ATP9A: variants seen among roughly 807,000 people sequenced by gnomAD.
ATP9A encodes ATPase phospholipid transporting 9A.
ATP9A carries 52 observed loss-of-function variants against 144.1 expected under a neutral mutation model. The ratio of observed to expected loss-of-function variants is 0.36; its 90% confidence interval spans 0.29 to 0.45. ATP9A has a LOEUF of 0.45. ATP9A is among the 20% of genes least tolerant of loss of function. ATP9A has a pLI of 1.00. For missense variants in ATP9A, 947 were observed against 1,392.7 expected (o/e 0.68, Z 5.09); for synonymous variants, 582 against 557.4 (o/e 1.04, Z -0.62).
chr20:51,704,702 C>T (rs2077607994), intron 4 of ATP9A, among the ~76,000 whole-genome samples: 1 of 152,178 alleles, frequency 6.6e-6, no homozygotes, highest in Admixed American at 6.5e-5. Flanking sequence ...ATCGCTTGAA[C>T]CCAGAAGGCA....
chr20:51,708,556 GAA>G (rs2077624319), intron 4 of ATP9A, among the ~76,000 whole-genome samples: 1 of 151,740 alleles, frequency 6.6e-6, no homozygotes, highest in Non-Finnish European at 1.5e-5. Context: ...CCAATATGGC[GAA>G]ACCTCGTCTC....
intron 1 of ATP9A, among the ~76,000 whole-genome samples, chr20:51,745,071 C>T (rs2077801911): frequency 6.6e-6 from 1 of 151,976 alleles, no homozygotes. Context: ...GTCAGGAGAT[C>T]AAGACCATTC....
chr20:51,658,026 G>T (rs2122770831), intron 13 of ATP9A, among the ~76,000 whole-genome samples: 1 of 152,322 alleles, frequency 6.6e-6, no homozygotes, highest in South Asian at 2.1e-4. Flanking sequence ...AATGGGTTAA[G>T]TCTTGGAAAA....
intron 14 of ATP9A, among the ~76,000 whole-genome samples, chr20:51,640,840 T>C (rs984908976): frequency 8.5e-5 from 13 of 152,156 alleles, no homozygotes; most frequent in African/African-American, 2.9e-4. Flanking sequence ...GTTACTGCCC[T>C]GCAGGGACTA....
chr20:51,654,181 C>T (rs1276345788), intron 14 of ATP9A, among the ~76,000 whole-genome samples: 1 of 152,108 alleles, frequency 6.6e-6, no homozygotes, highest in Non-Finnish European at 1.5e-5. Flanking sequence ...AAGCCTGGTT[C>T]AAATGTCAAC....
chr20:51,708,041 A>G (rs2077621940), intron 4 of ATP9A, among the ~76,000 whole-genome samples: 1 of 152,152 alleles, frequency 6.6e-6, no homozygotes, highest in African/African-American at 2.4e-5. Context: ...TATTTCCTAA[A>G]ATAATGACTA....
At position 51,663,097 on chromosome 20, in the gene ATP9A, A is replaced by C. The variant is rs150974749; in HGVS notation, c.1294-5947T>G. Among the ~76,000 whole-genome samples the C allele has an allele frequency of 4.3e-3, 659 of 152,286 alleles. 8 individuals are homozygous for C. The highest frequency in any genetic ancestry group is 0.015 in the African/African-American group (619 of 41,556). On this transcript the variant is annotated intron_variant, in intron 13 of 27. Transcript: ENST00000338821. ...AAAAAAAAACATTTTTAAAATATAC[A>C]TACTTAAGATCCAGACCCAAAGAAT...
chr20:51,688,330 C>A (rs368809530), intron 9 of ATP9A, among the ~76,000 whole-genome samples: 21 of 152,292 alleles, frequency 1.4e-4, no homozygotes, highest in African/African-American at 4.8e-4. Flanking sequence ...CAGTGGCTCA[C>A]ATCTGTAATC....
rs540791180 is a variant in ATP9A at position 51,637,871 on chromosome 20, CCT to C, written c.1668+1470_1668+1471del. Among the ~76,000 whole-genome samples, 327 of 151,204 alleles carry C rather than the reference CCT, an allele frequency of 2.2e-3. 3 individuals are homozygous for C. The highest frequency in any genetic ancestry group is 7.5e-3 in the African/African-American group (310 of 41,212). ...CACCGTCCTCCCACCCTTTCAGCCC[CCT>C]GACTCGCCAAAGTCCATTGTATTAT... On this transcript the variant is annotated intron_variant, in intron 15 of 27. Coordinates refer to ENST00000338821, the MANE Select transcript of ATP9A (RefSeq NM_006045.3).
intron 16 of ATP9A, among the ~76,000 whole-genome samples, 188 bp downstream of exon 16, chr20:51,628,792 C>T (rs1350726898): frequency 2.0e-5 from 3 of 152,246 alleles, no homozygotes; most frequent in African/African-American, 4.8e-5. Context: ...GCAGTTCAGC[C>T]ACACCAGCAT....
intron 7 of ATP9A, among the ~76,000 whole-genome samples, chr20:51,692,189 A>G (rs1187929538): frequency 6.6e-6 from 1 of 152,232 alleles, no homozygotes; most frequent in Non-Finnish European, 1.5e-5. Flanking sequence ...CCTGCATGAC[A>G]ACGTCAATGT....
chr20:51,762,705 C>CTTTTTTTTTT (rs34209501), intron 1 of ATP9A, among the ~76,000 whole-genome samples: 2 of 84,530 alleles, frequency 2.4e-5, no homozygotes, highest in African/African-American at 5.1e-5. Context: ...CCACAAATGG[C>CTTTTTTTTTT]TTTTTTTTTT....
intron 4 of ATP9A, among the ~76,000 whole-genome samples, chr20:51,702,755 T>A (rs934506569): frequency 1.3e-5 from 2 of 152,082 alleles, no homozygotes; most frequent in Non-Finnish European, 1.5e-5. Context: ...CTATTCTGAG[T>A]CTTCTACGAA....
At chr20:51,669,878 A>C in intron 13 of ATP9A, 119 bp downstream of exon 13, 1 of 741,362 alleles carries the variant, frequency 1.3e-6, no homozygotes, top group Non-Finnish European at 2.3e-6. Flanking sequence ...TTAAAAAAAA[A>C]CAATGAATTG....
At position 51,604,845 on chromosome 20, in the gene ATP9A, G is replaced by A; in HGVS notation, c.2979C>T (p.Ala993=). The A allele has an allele frequency of 6.5e-7, 1 of 1,545,114 alleles. No individual in the cohort carries two copies. The highest frequency in any genetic ancestry group is 8.7e-7 in the Non-Finnish European group (1 of 1,143,786). Residue 993 remains alanine (A), a synonymous_variant, in exon 27 of 28, where the codon GCC becomes GCT. Coordinates refer to ENST00000338821, the MANE Select transcript of ATP9A (RefSeq NM_006045.3). The part of the protein sequence containing the change: ...AELLSLACYI[A]SLVFLHEFID... ...TGAACTCGTGTAAGAACACCAGGGAGGCGATGTAGCAGGCCAGGCTGAGCA... is the reference window on the plus strand; with the variant it reads ...TGAACTCGTGTAAGAACACCAGGGAAGCGATGTAGCAGGCCAGGCTGAGCA...
intron 14 of ATP9A, among the ~76,000 whole-genome samples, chr20:51,653,735 C>T (rs1365337192): frequency 1.3e-5 from 2 of 151,338 alleles, no homozygotes; most frequent in Non-Finnish European, 2.9e-5. Context: ...TGCAGTGAGC[C>T]GAGATCATAC....
At chr20:51,740,153 C>T (rs1299107191) in intron 1 of ATP9A, among the ~76,000 whole-genome samples, 7 of 151,886 alleles carry the variant, frequency 4.6e-5, no homozygotes, top group Non-Finnish European at 1.0e-4. Context: ...ACCTCCTGGA[C>T]TCAAGCAATC....
intron 3 of ATP9A, among the ~76,000 whole-genome samples, chr20:51,722,684 C>G (rs1285653092): frequency 6.6e-6 from 1 of 152,070 alleles, no homozygotes; most frequent in African/African-American, 2.4e-5. Context: ...ATCTAAAAAT[C>G]AAAAAACAGT....
intron 22 of ATP9A, among the ~76,000 whole-genome samples, chr20:51,615,749 C>T (rs973281288): frequency 3.9e-5 from 6 of 152,180 alleles, no homozygotes; most frequent in Admixed American, 3.3e-4. Flanking sequence ...AATTCTCCTG[C>T]CTCAGCCTCC....
Sources: gnomAD v4.1 joint callset for allele counts (sites outside exome capture counted in the v4.1 genomes callset) on GRCh38, gnomAD v4.1.1 for gene constraint, MANE v1.5 for transcripts, NCBI Gene and HGNC (gene_info 2026-07-23, HGNC 2026-07-21) for gene names.